The following FBXL7 variants were observed in gnomAD, a reference collection of about 807,000 sequenced individuals.
The protein encoded by FBXL7 is F-box and leucine rich repeat protein 7, also known as F-box/LRR-repeat protein 7.
A neutral mutation model predicts 38.3 loss-of-function variants in FBXL7; 12 were observed. That is an observed-to-expected ratio of 0.31 (90% CI 0.20 to 0.51). The LOEUF (loss-of-function observed/expected upper bound fraction) is 0.51. FBXL7 is among the 20% of genes least tolerant of loss of function. The probability of loss-of-function intolerance (pLI) is 0.98; values close to 1 mark genes in which losing one functional copy is unlikely to be tolerated. For synonymous variants in FBXL7, 297 were observed against 300.9 expected, an observed-to-expected ratio of 0.99 and a Z score of 0.13; for missense variants, 567 against 676.4, an observed-to-expected ratio of 0.84 and a Z score of 1.79.
chr5:15,712,464 G>T (rs1476428257), intron 2 of FBXL7, among the ~76,000 whole-genome samples: 1 of 151,852 alleles, frequency 6.6e-6, no homozygotes, highest in East Asian at 1.9e-4. Context: ...CACAGAAGTA[G>T]CCCTAAAAAC....
chr5:15,786,123 C>A (rs2126726168), intron 2 of FBXL7, among the ~76,000 whole-genome samples: 1 of 152,254 alleles, frequency 6.6e-6, no homozygotes, highest in South Asian at 2.1e-4. Flanking sequence ...GCAAGTGCTA[C>A]TAAATATATT....
intron 2 of FBXL7, among the ~76,000 whole-genome samples, chr5:15,892,366 T>G (rs552495186): frequency 6.6e-6 from 1 of 151,778 alleles, no homozygotes; most frequent in South Asian, 2.1e-4. Flanking sequence ...TGCTAAGAGG[T>G]GAGTTGAAGA....
chr5:15,863,541 C>T (rs1307901336), intron 2 of FBXL7, among the ~76,000 whole-genome samples: 1 of 152,110 alleles, frequency 6.6e-6, no homozygotes, highest in Non-Finnish European at 1.5e-5. Flanking sequence ...ATTCCTTTTA[C>T]TGTCTGGCAC....
At chr5:15,890,684 G>C (rs991043723) in intron 2 of FBXL7, among the ~76,000 whole-genome samples, 8 of 152,072 alleles carry the variant, frequency 5.3e-5, no homozygotes, top group Non-Finnish European at 8.8e-5. Flanking sequence ...GCCCCTCCCT[G>C]CATGTGTGAA....
intron 2 of FBXL7, among the ~76,000 whole-genome samples, chr5:15,728,588 T>A (rs1561102436): frequency 6.6e-6 from 1 of 152,156 alleles, no homozygotes; most frequent in East Asian, 1.9e-4. Flanking sequence ...TCTACAATTT[T>A]AAAAAACTGG....
At position 15,619,322 on chromosome 5, in the gene FBXL7, C is replaced by G. The variant is rs147693399; in HGVS notation, c.127+3250C>G. On this transcript the variant is annotated intron_variant, in intron 2 of 3. Coordinates refer to ENST00000504595, the MANE Select transcript of FBXL7 (RefSeq NM_012304.5). ...GGTGTGGACCATCAGGAGATTGTCTCTCCCTGGTTGCGGAATTACACTTTT... is the reference window on the plus strand; with the variant it reads ...GGTGTGGACCATCAGGAGATTGTCTGTCCCTGGTTGCGGAATTACACTTTT... Among the ~76,000 whole-genome samples, 102 of 152,284 alleles carry G rather than the reference C, an allele frequency of 6.7e-4. 2 individuals are homozygous for G. Among genetic ancestry groups the G allele is most frequent in the African/African-American group, 2.3e-3 (97 of 41,566 alleles).
intron 2 of FBXL7, among the ~76,000 whole-genome samples, chr5:15,894,938 AAAT>A (rs1447117523): frequency 5.3e-5 from 8 of 152,176 alleles, no homozygotes; most frequent in African/African-American, 1.9e-4. Flanking sequence ...ACAGAAGAAA[AAAT>A]AAGCCTTCCA....
At chr5:15,925,748 G>GCT (rs2126454045) in intron 2 of FBXL7, among the ~76,000 whole-genome samples, 1 of 152,302 alleles carries the variant, frequency 6.6e-6, no homozygotes, top group East Asian at 1.9e-4. Flanking sequence ...GAAGATAAAT[G>GCT]CTCTATGTGT....
chr5:15,833,470 C>T (rs1738511212), intron 2 of FBXL7, among the ~76,000 whole-genome samples: 1 of 152,174 alleles, frequency 6.6e-6, no homozygotes, highest in Admixed American at 6.5e-5. Flanking sequence ...TTTATGGGGA[C>T]ACAAACAGTG....
chr5:15,609,577 A>G (rs1740154013), intron 1 of FBXL7, among the ~76,000 whole-genome samples: 1 of 152,162 alleles, frequency 6.6e-6, no homozygotes, highest in African/African-American at 2.4e-5. Context: ...CTGACATGGC[A>G]ATCTGCTCTC....
intron 2 of FBXL7, among the ~76,000 whole-genome samples, chr5:15,904,762 C>T (rs1741314826): frequency 6.6e-6 from 1 of 151,988 alleles, no homozygotes; most frequent in African/African-American, 2.4e-5. Flanking sequence ...TTAGTTAATA[C>T]ATTAGCCTAA....
At chr5:15,511,710 A>G (rs1736802435) in intron 1 of FBXL7, among the ~76,000 whole-genome samples, 1 of 152,202 alleles carries the variant, frequency 6.6e-6, no homozygotes, top group South Asian at 2.1e-4. Flanking sequence ...TGGCAGGGGC[A>G]TCTATCATTA....
At chr5:15,609,550 G>C (rs546242634) in intron 1 of FBXL7, among the ~76,000 whole-genome samples, 1 of 152,284 alleles carries the variant, frequency 6.6e-6, no homozygotes, top group Admixed American at 6.5e-5. Context: ...AGTTCTGACT[G>C]TGCCTCCCAG....
At chr5:15,874,120 C>T in intron 2 of FBXL7, among the ~76,000 whole-genome samples, 1 of 152,160 alleles carries the variant, frequency 6.6e-6, no homozygotes, top group Admixed American at 6.6e-5. Flanking sequence ...TCAACATATG[C>T]AAATCAATAA....
rs762263899 is a variant in FBXL7 at position 15,936,533 on chromosome 5, C to T, written c.823C>T (p.Arg275Cys). 3.1e-6 allele frequency: 5 copies of T among 1,613,590 alleles called. No homozygotes were observed. Among genetic ancestry groups the T allele is most frequent in the Non-Finnish European group, 4.2e-6 (5 of 1,179,890 alleles). ...CTTGCATGGCAAACAGATTTCCATC[C>T]GCTACCTGGACATGACGGACTGCTT... ...SPLHGKQISI[R>C]YLDMTDCFVL... Residue 275 changes from arginine (R) to cysteine (C), a missense_variant, in exon 4 of 4, where the codon CGC becomes TGC. Transcript: ENST00000504595. This position sits in a 1 kb window ranked among gnomAD's most constrained non-coding sequence, Gnocchi z 6.0.
At chr5:15,630,349 C>A (rs1740957578) in intron 2 of FBXL7, among the ~76,000 whole-genome samples, 1 of 152,080 alleles carries the variant, frequency 6.6e-6, no homozygotes, top group South Asian at 2.1e-4. Context: ...TGTTTTAATT[C>A]TTCATCTGCT....
chr5:15,666,148 C>T (rs1317732129), intron 2 of FBXL7, among the ~76,000 whole-genome samples: 1 of 152,104 alleles, frequency 6.6e-6, no homozygotes, highest in Non-Finnish European at 1.5e-5. Context: ...TAAATTGATA[C>T]ATTTAACTTG....
chr5:15,788,351 T>A (rs1467519734), intron 2 of FBXL7, among the ~76,000 whole-genome samples: 1 of 152,186 alleles, frequency 6.6e-6, no homozygotes, highest in Non-Finnish European at 1.5e-5. Context: ...GACATAAAAT[T>A]GTAACCTCTC....
chr5:15,906,628 C>G (rs1447075031), intron 2 of FBXL7, among the ~76,000 whole-genome samples: 2 of 130,650 alleles, frequency 1.5e-5, no homozygotes, highest in Non-Finnish European at 3.2e-5. Flanking sequence ...AATGTGTCAT[C>G]TAGCATTAGG....
Sources: allele counts gnomAD v4.1 joint callset (sites outside exome capture counted in the v4.1 genomes callset), GRCh38; gene constraint gnomAD v4.1.1; non-coding constraint Gnocchi (gnomAD v3.1); transcripts MANE v1.5; gene names NCBI Gene and HGNC (gene_info 2026-07-23, HGNC 2026-07-21).